Variants in PDE1C observed in about 807,000 individuals in gnomAD.
PDE1C encodes dual specificity calcium/calmodulin-dependent 3',5'-cyclic nucleotide phosphodiesterase 1C.
In PDE1C, 62 loss-of-function variants were observed where a neutral mutation model predicts 93.1. That is an observed-to-expected ratio of 0.67 (90% CI 0.54 to 0.82). PDE1C has a LOEUF of 0.82. Among genes scored for constraint, PDE1C ranks in the 40% least tolerant of loss-of-function variants. The probability of loss-of-function intolerance (pLI) is 0.00; values close to 1 mark genes in which losing one functional copy is unlikely to be tolerated. For synonymous variants in PDE1C, 325 were observed against 310.1 expected, an observed-to-expected ratio of 1.05 and a Z score of -0.50; for missense variants, 742 against 884.6, an observed-to-expected ratio of 0.84 and a Z score of 2.04.
rs561818338 is a variant in PDE1C at position 31,828,783 on chromosome 7, C to A, written c.1204-410G>T. On this transcript the variant is annotated intron_variant, in intron 11 of 17. Coordinates refer to ENST00000396191, the MANE Select transcript of PDE1C (RefSeq NM_001191057.4). Reference sequence around the variant, plus strand: ...TCCCAGATGTGGGCAGTGTCTGAAACTAAAATTCAAACTGGACTGATTCAG... The same window carrying A: ...TCCCAGATGTGGGCAGTGTCTGAAAATAAAATTCAAACTGGACTGATTCAG... Among the ~76,000 whole-genome samples the A allele has an allele frequency of 3.6e-3, 541 of 152,230 alleles. 3 individuals are homozygous for A. The highest frequency in any genetic ancestry group is 0.012 in the African/African-American group (519 of 41,552).
At chr7:31,868,885 C>T (rs535546983) in intron 6 of PDE1C, among the ~76,000 whole-genome samples, 139 of 150,296 alleles carry the variant, frequency 9.2e-4, no homozygotes, top group African/African-American at 3.3e-3. Context: ...TGGGATAATA[C>T]AGTCAAAGTC....
intron 1 of PDE1C, among the ~76,000 whole-genome samples, chr7:32,211,158 G>C (rs1006404515): frequency 1.3e-5 from 2 of 152,114 alleles, no homozygotes; most frequent in African/African-American, 4.8e-5. Context: ...GCAGTGAGTC[G>C]AGATTGTGCC....
chr7:32,247,244 A>AGTACAGACAGTCCCCAACTTAT (rs1554294780), intron 1 of PDE1C, among the ~76,000 whole-genome samples: 1 of 122,538 alleles, frequency 8.2e-6, no homozygotes, highest in African/African-American at 3.1e-5. Context: ...GTGCGAATTG[A>AGTACAGACAGTCCCCAACTTAT]AGCAGTGGCC....
the PDE1C span, among the ~76,000 whole-genome samples, chr7:31,677,347 A>C: frequency 6.6e-6 from 1 of 152,172 alleles, no homozygotes; most frequent in Non-Finnish European, 1.5e-5. Flanking sequence ...AAAAGAATAC[A>C]CCACAAAGAA....
At chr7:32,098,959 G>T (rs1797911305) in intron 3 of PDE1C, among the ~76,000 whole-genome samples, 1 of 152,230 alleles carries the variant, frequency 6.6e-6, no homozygotes, top group Non-Finnish European at 1.5e-5. Flanking sequence ...TTGCACAATA[G>T]TGTGAATGTA....
chr7:32,402,027 A>G (rs1231041358), intron 1 of PDE1C, among the ~76,000 whole-genome samples: 2 of 152,178 alleles, frequency 1.3e-5, no homozygotes, highest in East Asian at 1.9e-4. Context: ...TACATGATCT[A>G]TTTATCCTCA....
chr7:32,296,848 C>G (rs1812629783), intron 1 of PDE1C, among the ~76,000 whole-genome samples: 1 of 152,212 alleles, frequency 6.6e-6, no homozygotes, highest in African/African-American at 2.4e-5. Context: ...ACTCCCTTAG[C>G]ACCCACCAAC....
intron 2 of PDE1C, among the ~76,000 whole-genome samples, chr7:32,176,475 A>G (rs1273572066): frequency 1.3e-5 from 2 of 152,244 alleles, no homozygotes; most frequent in African/African-American, 2.4e-5. Context: ...ACATTTGTAT[A>G]TAGTTTTTAC....
At chr7:31,994,557 G>A (rs901533043) in intron 2 of PDE1C, among the ~76,000 whole-genome samples, 1 of 152,130 alleles carries the variant, frequency 6.6e-6, no homozygotes, top group Non-Finnish European at 1.5e-5. Flanking sequence ...AGAAGGCATG[G>A]CTTTCCTTGA....
chr7:31,676,733 A>G, the PDE1C span, among the ~76,000 whole-genome samples: 1 of 152,198 alleles, frequency 6.6e-6, no homozygotes, highest in Non-Finnish European at 1.5e-5. Flanking sequence ...ACAGAAAAAT[A>G]CTAGAATTAG....
At chr7:31,780,957 C>T (rs1783368262) in intron 16 of PDE1C, among the ~76,000 whole-genome samples, 1 of 152,164 alleles carries the variant, frequency 6.6e-6, no homozygotes, top group African/African-American at 2.4e-5. Flanking sequence ...AATCCGTCAG[C>T]TAGGGGCAGA....
At chr7:32,427,064 A>G (rs988617162) in intron 1 of PDE1C, among the ~76,000 whole-genome samples, 2 of 152,230 alleles carry the variant, frequency 1.3e-5, no homozygotes, top group Non-Finnish European at 2.9e-5. Context: ...CCCCGACGAA[A>G]TGGAATCTTT....
intron 3 of PDE1C, among the ~76,000 whole-genome samples, chr7:32,080,884 A>G (rs1584720079): frequency 6.6e-6 from 1 of 152,234 alleles, no homozygotes; most frequent in Admixed American, 6.5e-5. Context: ...GACTCGGCCC[A>G]TAATCCTTCA....
chr7:32,074,007 C>T (rs1796210527), upstream of PDE1C, among the ~76,000 whole-genome samples: 1 of 151,796 alleles, frequency 6.6e-6, no homozygotes, highest in African/African-American at 2.4e-5. Context: ...TACATACATA[C>T]ATATATATAT....
rs57092090 is a variant in PDE1C at position 32,400,555 on chromosome 7, G to A, written c.310+27267C>T. Among the ~76,000 whole-genome samples, 73 of 152,330 alleles carry A rather than the reference G, an allele frequency of 4.8e-4. 2 individuals carry two copies. Among genetic ancestry groups the A allele is most frequent in the Admixed American group, 3.2e-3 (49 of 15,304 alleles). On this transcript the variant is annotated intron_variant, in intron 1 of 1. Coordinates refer to the PDE1C transcript ENST00000672256. ...GCAGTGAGGAAACCAGTTTAATTTC[G>A]TTTAACCATCAGCTCCCAAATGTGT... is the stretch of plus-strand genomic sequence containing the variant.
At chr7:32,223,249 A>G (rs1375591396) in intron 1 of PDE1C, among the ~76,000 whole-genome samples, 1 of 152,226 alleles carries the variant, frequency 6.6e-6, no homozygotes, top group Non-Finnish European at 1.5e-5. Flanking sequence ...CTAGAATGCT[A>G]TGCTGCTGGT....
the PDE1C span, among the ~76,000 whole-genome samples, chr7:31,657,599 G>C: frequency 1.3e-5 from 2 of 152,062 alleles, no homozygotes; most frequent in Non-Finnish European, 2.9e-5. Flanking sequence ...AAGAATAATG[G>C]CAAGAGCCCT....
chr7:31,900,651 A>G lies in PDE1C; in HGVS notation c.129-19791T>C, dbSNP rs535957429. Among the ~76,000 whole-genome samples the G allele has an allele frequency of 3.9e-5, 6 of 151,904 alleles. No homozygotes were observed. The East Asian group carries it at 9.7e-4, about 24-fold the overall frequency. On this transcript the variant is annotated intron_variant, in intron 2 of 17. Transcript: ENST00000396191. Reference sequence around the variant, plus strand: ...AAAAAAGCTCGGTAATTTTATACATATTCATATATAGCAATATATATTCAT... The same window carrying G: ...AAAAAAGCTCGGTAATTTTATACATGTTCATATATAGCAATATATATTCAT...
chr7:32,305,439 T>A (rs1812974988), intron 1 of PDE1C, among the ~76,000 whole-genome samples: 1 of 152,184 alleles, frequency 6.6e-6, no homozygotes, highest in South Asian at 2.1e-4. Context: ...CCAGCTCTGT[T>A]AATGACTCTA....
Sources: gnomAD v4.1 joint callset for allele counts (sites outside exome capture counted in the v4.1 genomes callset) on GRCh38, gnomAD v4.1.1 for gene constraint, MANE v1.5 for transcripts, NCBI Gene and HGNC (gene_info 2026-07-23, HGNC 2026-07-21) for gene names.